PCMTD1: variants seen among roughly 807,000 people sequenced by gnomAD.
The protein encoded by PCMTD1 is protein-L-isoaspartate O-methyltransferase domain-containing protein 1.
Under a neutral mutation model 37.6 loss-of-function variants are expected in PCMTD1, and 12 were observed. The observed-to-expected ratio is 0.32, with a 90% confidence interval of 0.20 to 0.52. The LOEUF (loss-of-function observed/expected upper bound fraction) is 0.52. Ranked by LOEUF, PCMTD1 falls within the 20% of genes least tolerant of loss-of-function variation. The pLI is 0.97. For missense variants in PCMTD1, 235 were observed against 421.3 expected, an observed-to-expected ratio of 0.56 and a Z score of 3.87; for synonymous variants, 117 against 135.8, an observed-to-expected ratio of 0.86 and a Z score of 0.96.
intron 3 of PCMTD1, among the ~76,000 whole-genome samples, chr8:51,837,471 A>G (rs1468542775): frequency 3.3e-5 from 5 of 152,170 alleles, no homozygotes; most frequent in Admixed American, 6.6e-5. Flanking sequence ...AATCTAGAAC[A>G]TATTAGAGAA....
chr8:51,863,312 C>G (rs560284049), intron 1 of PCMTD1, among the ~76,000 whole-genome samples: 27 of 152,278 alleles, frequency 1.8e-4, no homozygotes, highest in African/African-American at 6.3e-4. Flanking sequence ...TCCTTAGGTC[C>G]TTCTGAATTC....
chr8:51,872,205 C>T (rs1188659571), intron 1 of PCMTD1, among the ~76,000 whole-genome samples: 1 of 144,720 alleles, frequency 6.9e-6, no homozygotes, highest in Non-Finnish European at 1.5e-5. Flanking sequence ...CAAAGCCTTT[C>T]CTCCTCTCCC....
chr8:51,855,420 C>T (rs2038372364), intron 2 of PCMTD1, among the ~76,000 whole-genome samples: 3 of 149,704 alleles, frequency 2.0e-5, no homozygotes, highest in Admixed American at 2.0e-4. Flanking sequence ...TTAGTTCTAG[C>T]TACTCAGGAG....
At chr8:51,855,728 G>A (rs796744648) in intron 2 of PCMTD1, among the ~76,000 whole-genome samples, 4 of 151,816 alleles carry the variant, frequency 2.6e-5, no homozygotes, top group African/African-American at 9.6e-5. Context: ...GCAGTGGCAT[G>A]GCTCACTGCA....
In PCMTD1 at chr8:51,826,185, T is replaced by C. The variant is rs190961983; in HGVS notation, c.706+5259A>G. ...TATACCATGGAATACTATGCAGCCA[T>C]AAAAAAAGGATGAGTTCATGTCCTT... On this transcript the variant is annotated intron_variant, in intron 5 of 5. Transcript: ENST00000522514. 3.2e-4 allele frequency among the ~76,000 whole-genome samples: 49 copies of C among 152,136 alleles called. No individual in the cohort carries two copies. The East Asian group carries it at 8.3e-3, about 26-fold the overall frequency.
At chr8:51,880,752 A>C (rs528345307) in intron 1 of PCMTD1, among the ~76,000 whole-genome samples, 1 of 152,314 alleles carries the variant, frequency 6.6e-6, no homozygotes, top group African/African-American at 2.4e-5. Context: ...GGATCAGCAA[A>C]CTTTTTCTGA....
chr8:51,856,971 T>G (rs2038399261), intron 2 of PCMTD1, among the ~76,000 whole-genome samples: 1 of 152,222 alleles, frequency 6.6e-6, no homozygotes, highest in Non-Finnish European at 1.5e-5. Flanking sequence ...CTTGATGGTA[T>G]GTGAATCATA....
intron 2 of PCMTD1, among the ~76,000 whole-genome samples, chr8:51,847,285 A>G (rs949274561): frequency 6.6e-6 from 1 of 152,260 alleles, no homozygotes; most frequent in African/African-American, 2.4e-5. Flanking sequence ...CATAGATGTC[A>G]ACATATAAAA....
rs565533121 is a variant in PCMTD1, at chr8:51,838,211, G to C, written c.411-4522C>G. Among the ~76,000 whole-genome samples, 286 of 152,272 alleles carry C rather than the reference G, an allele frequency of 1.9e-3. 1 individual carries two copies. Among genetic ancestry groups the C allele is most frequent in the African/African-American group, 6.7e-3 (277 of 41,548 alleles). ...GATTACAATTTTTCAGGTAGGCCAG[G>C]TATGGTTCTTCACTCCTGTAATCCC... On this transcript the variant is annotated intron_variant, in intron 3 of 5. Coordinates refer to ENST00000522514, the MANE Select transcript of PCMTD1 (RefSeq NM_052937.4).
intron 1 of PCMTD1, among the ~76,000 whole-genome samples, chr8:51,882,924 G>C (rs779029442): frequency 6.7e-6 from 1 of 149,310 alleles, no homozygotes; most frequent in African/African-American, 2.5e-5. Context: ...TCAGGAGATA[G>C]AGACCATGCT....
At chr8:51,857,414 G>A (rs1005289854) in intron 2 of PCMTD1, among the ~76,000 whole-genome samples, 2 of 152,136 alleles carry the variant, frequency 1.3e-5, no homozygotes, top group African/African-American at 4.8e-5. Flanking sequence ...ACAAGAAAAT[G>A]AAAATGAATC....
At chr8:51,850,933 T>C (rs1311910209) in intron 2 of PCMTD1, among the ~76,000 whole-genome samples, 1 of 152,122 alleles carries the variant, frequency 6.6e-6, no homozygotes, top group African/African-American at 2.4e-5. Context: ...AAATATCCTG[T>C]GGTATAATGC....
chr8:51,845,925 G>A lies in PCMTD1; in HGVS notation c.308-162C>T, dbSNP rs188004578. On this transcript the variant is annotated intron_variant, in intron 2 of 5. Coordinates refer to ENST00000522514, the MANE Select transcript of PCMTD1 (RefSeq NM_052937.4). ...ACTTAAAAGTTGAATGGAAATCCAC[G>A]TACATTGCTTTAATGTAAAAAAAGG... Among the ~76,000 whole-genome samples the A allele has an allele frequency of 4.4e-4, 67 of 151,862 alleles. No homozygotes were observed. The Middle Eastern group carries it at 0.01, about 23-fold the overall frequency.
intron 1 of PCMTD1, among the ~76,000 whole-genome samples, chr8:51,888,661 T>A (rs534977452): frequency 6.6e-6 from 1 of 152,212 alleles, no homozygotes; most frequent in African/African-American, 2.4e-5. Flanking sequence ...AATGAAATAA[T>A]GTGCACATTC....
At chr8:51,852,494 G>T (rs2038322607) in intron 2 of PCMTD1, among the ~76,000 whole-genome samples, 1 of 152,156 alleles carries the variant, frequency 6.6e-6, no homozygotes, top group African/African-American at 2.4e-5. Context: ...CTGCTTGATA[G>T]AAATCTGTCA....
intron 1 of PCMTD1, among the ~76,000 whole-genome samples, chr8:51,878,250 G>GT (rs375362623): frequency 0.024 from 3,351 of 139,158 alleles, 130 homozygotes; most frequent in African/African-American, 0.082. Context: ...TTTTTTTTTG[G>GT]TTTTTTTTTT....
intron 2 of PCMTD1, among the ~76,000 whole-genome samples, chr8:51,853,665 A>T (rs1359564447): frequency 6.6e-6 from 1 of 152,190 alleles, no homozygotes; most frequent in Non-Finnish European, 1.5e-5. Context: ...TCATCCTGGT[A>T]GAGACTATAT....
At chr8:51,846,706 ATTG>A (rs1256606327) in intron 2 of PCMTD1, among the ~76,000 whole-genome samples, 1 of 152,148 alleles carries the variant, frequency 6.6e-6, no homozygotes, top group African/African-American at 2.4e-5. Flanking sequence ...GCATATTTGG[ATTG>A]TTTCTACTGA....
chr8:51,839,379 G>T, intron 3 of PCMTD1: 1 of 825,170 alleles, frequency 1.2e-6, no homozygotes. Context: ...AAAATATAGA[G>T]CACACAGATA....
Sources: allele counts gnomAD v4.1 joint callset (sites outside exome capture counted in the v4.1 genomes callset), GRCh38; gene constraint gnomAD v4.1.1; transcripts MANE v1.5; gene names NCBI Gene and HGNC (gene_info 2026-07-23, HGNC 2026-07-21).